SPATA31C2: variants seen among roughly 807,000 people sequenced by gnomAD.
SPATA31C2 encodes the protein SPATA31 subfamily C member 2, also known as spermatogenesis-associated protein 31C2.
A neutral mutation model predicts 11.4 loss-of-function variants in SPATA31C2; 5 were observed. The observed-to-expected ratio is 0.44, with a 90% CI of 0.23 to 0.92. The LOEUF is 0.92. Ranked by LOEUF, SPATA31C2 falls within the 40% of genes least tolerant of loss-of-function variation. SPATA31C2 has a pLI of 0.24. For missense variants in SPATA31C2, 1,353 were observed against 1,368.6 expected (o/e 0.99, Z 0.18); for synonymous variants, 515 against 538.7 (o/e 0.96, Z 0.61).
At chr9:88,133,541 C>T (rs1337220304) in intron 2 of SPATA31C2, 53 bp downstream of exon 2, 16 of 1,596,802 alleles carry the variant, frequency 1.0e-5, no homozygotes, top group African/African-American at 1.4e-5. Flanking sequence ...AGTCAGTTCC[C>T]TCCCGGACAG....
In SPATA31C2 at chr9:88,130,395, G is replaced by C. The variant is rs757780374; in HGVS notation, c.2642C>G (p.Pro881Arg). 1.2e-6 allele frequency: 2 copies of C among 1,611,678 alleles called. No individual in the cohort carries two copies. The highest frequency in any genetic ancestry group is 1.3e-5 in the African/African-American group (1 of 74,958). Reference sequence around the variant, plus strand: ...GGGCACAACAGATGCTTGCCCATCTGGAAGGAGCACAACAGTGGCAGAAAC... The same window carrying C: ...GGGCACAACAGATGCTTGCCCATCTCGAAGGAGCACAACAGTGGCAGAAAC... ...PQVSATVVLL[P>R]DGQASVVPHA... is the part of the protein sequence containing the mutation. The change falls in exon 4 of 4, where the codon CCA becomes CGA. Residue 881 changes from proline (P) to arginine (R), a missense_variant. Pro to Arg is a moderately radical substitution (Grantham distance 103). Transcript: ENST00000324915.
chr9:88,137,327 A>T (rs543381648), intron 1 of SPATA31C2, among the ~76,000 whole-genome samples: 820 of 79,112 alleles, frequency 0.01, 28 homozygotes, highest in Non-Finnish European at 0.016. Flanking sequence ...TGTCTTTATT[A>T]AAAAAAAAAA....
rs763467305 is a variant in SPATA31C2, at chr9:88,131,984, G to C, written c.1053C>G (p.Ala351=). 1,495 of 1,610,864 alleles carry C rather than the reference G, an allele frequency of 9.3e-4. 10 individuals are homozygous for C. In the African/African-American group the frequency reaches 0.018, roughly 19 times the overall value. ...PQFWPTPMAQ[A]EAQAHLQSSF... Reference sequence around the variant, plus strand: ...AGGATTGAAGATGGGCCTGAGCCTCGGCCTGAGCCATAGGTGTGGGCCAGA... The same window carrying C: ...AGGATTGAAGATGGGCCTGAGCCTCCGCCTGAGCCATAGGTGTGGGCCAGA... Residue 351 remains alanine, a synonymous_variant, in exon 4 of 4, where the codon GCC becomes GCG. Transcript: ENST00000324915.
chr9:88,137,933 C>T (rs551377315), intron 1 of SPATA31C2, among the ~76,000 whole-genome samples: 1 of 112,986 alleles, frequency 8.9e-6, no homozygotes, highest in East Asian at 3.0e-4. Context: ...CCTCCCATCT[C>T]ATGACCAGAG....
Position 88,130,274 on chromosome 9 carries a change from G to A in SPATA31C2, c.2763C>T (p.Leu921=), listed in dbSNP as rs1282717029. ...CCATGTTACTCCTTCTGGCTGACAT[G>A]AGGTCACATAGCTCCTGGGAAGCCT... ...NMQASQELCD[L]MSARRSNMGH... The change falls in exon 4 of 4, where the codon CTC becomes CTT. Residue 921 remains leucine, a synonymous_variant. Coordinates refer to ENST00000324915, the MANE Select transcript of SPATA31C2 (RefSeq NM_001350978.3). 11 of 1,609,412 alleles carry A rather than the reference G, an allele frequency of 6.8e-6. No individual in the cohort carries two copies. The African/African-American group carries it at 1.5e-4, about 22-fold the overall frequency.
In SPATA31C2 at chr9:88,136,468, G is replaced by T. The variant is rs868654294; in HGVS notation, c.189+1790C>A. Among the ~76,000 whole-genome samples the T allele has an allele frequency of 1.0e-4, 15 of 145,656 alleles. 1 individual carries two copies. Among genetic ancestry groups the T allele is most frequent in the Middle Eastern group, 3.5e-3 (1 of 282 alleles). On this transcript the variant is annotated intron_variant, in intron 1 of 3. Transcript: ENST00000324915. ...CTCCTTGTCAGATATGGTTTATCAG[G>T]TGTGGTTTGCACTTTTCTTCCAGTT...
At chr9:88,133,690 A>G in intron 1 of SPATA31C2, 21 bp from the exon 2 acceptor site, 4 of 1,563,962 alleles carry the variant, frequency 2.6e-6, no homozygotes, top group Non-Finnish European at 3.5e-6. Context: ...AGAAATGGCG[A>G]GGAGCTAGGA....
Position 88,132,075 on chromosome 9 carries a change from A to G in SPATA31C2, c.962T>C (p.Phe321Ser). The G allele has an allele frequency of 6.2e-7, 1 of 1,610,768 alleles. No individual in the cohort carries two copies. Among genetic ancestry groups the G allele is most frequent in the Non-Finnish European group, 8.5e-7 (1 of 1,177,648 alleles). ...QRDTTMSPLL[F>S]QAQPLSHLEP... ...CAGATGGGACAGGGGCTGGGCCTGG[A>G]AAAGCAGTGGGGACATTGTAGTGTC... Residue 321 changes from phenylalanine (F) to serine (S), a missense_variant, in exon 4 of 4, where the codon TTC becomes TCC. Phe to Ser is a radical substitution (Grantham distance 155). Around this residue, in one of 6 missense-constraint regions of SPATA31C2, gnomAD observed 1,075 missense variants for 992.8 expected, o/e 1.08. Transcript: ENST00000324915.
chr9:88,132,862 G>T, intron 3 of SPATA31C2, 104 bp downstream of exon 3: 1 of 1,310,056 alleles, frequency 7.6e-7, no homozygotes, highest in Non-Finnish European at 1.0e-6. Flanking sequence ...CCCATCCTCT[G>T]TCCCCCTGGT....
chr9:88,133,569 C>G lies in SPATA31C2; in HGVS notation c.265+25G>C, dbSNP rs547036470. 3,195 of 1,576,516 alleles carry G rather than the reference C, an allele frequency of 2.0e-3. 49 individuals are homozygous for G. In the African/African-American group the frequency reaches 0.04, roughly 20 times the overall value. ...CCGGACAGATGAGATCAAATTAACT[C>G]TAGTGTGCCCTGGCAGAGCCTTACC... On this transcript the variant is annotated intron_variant, in intron 2 of 3. Coordinates refer to ENST00000324915, the MANE Select transcript of SPATA31C2 (RefSeq NM_001350978.3).
intron 1 of SPATA31C2, among the ~76,000 whole-genome samples, chr9:88,137,509 G>C (rs986999466): frequency 2.8e-5 from 4 of 141,998 alleles, no homozygotes; most frequent in Non-Finnish European, 4.6e-5. Flanking sequence ...GTAATCCCCA[G>C]CTACTCAGGA....
At position 88,129,842 on chromosome 9, in the gene SPATA31C2, C is replaced by A; in HGVS notation, c.3195G>T (p.Glu1065Asp). ...GGCGCGCATGGCAAAGTGACATGTT[C>A]TCCTCCAGTATCTGTCCAACTGCTG... Reference protein sequence around the residue: ...LMTAVGQILEENMSLCHARHA... With the variant: ...LMTAVGQILEDNMSLCHARHA... Residue 1065 changes from glutamate to aspartate, a missense_variant, in exon 4 of 4, where the codon GAG becomes GAT. Glu to Asp is a conservative substitution (Grantham distance 45). Transcript: ENST00000324915. The A allele has an allele frequency of 6.2e-7, 1 of 1,604,842 alleles. No individual in the cohort carries two copies.
intron 1 of SPATA31C2, among the ~76,000 whole-genome samples, chr9:88,135,340 G>A (rs1825666061): frequency 9.4e-6 from 1 of 106,496 alleles, no homozygotes; most frequent in Non-Finnish European, 1.7e-5. Context: ...TATGTACCAG[G>A]GATTTTTATT....
At position 88,133,634 on chromosome 9, in the gene SPATA31C2, C is replaced by A. The variant is rs779990474; in HGVS notation, c.225G>T (p.Arg75Ser). The change falls in exon 2 of 4, where the codon AGG (arginine) becomes AGT (serine). Residue 75 changes from arginine to serine, a missense_variant. Transcript: ENST00000324915. Reference protein sequence around the residue: ...HLVSQRPAGRRGRPRGRMKNH... With the variant: ...HLVSQRPAGRSGRPRGRMKNH... ...TTTTCATCCTGCCTCTGGGCCTCCC[C>A]CTCCGCCCTGCTGGACGCTGGGAGA... is the stretch of plus-strand genomic sequence containing the variant. 2 of 1,604,754 alleles carry A rather than the reference C, an allele frequency of 1.2e-6. No homozygotes were observed. Among genetic ancestry groups the A allele is most frequent in the African/African-American group, 1.3e-5 (1 of 74,734 alleles).
chr9:88,137,478 C>G (rs1345774245), intron 1 of SPATA31C2, among the ~76,000 whole-genome samples: 1 of 144,878 alleles, frequency 6.9e-6, no homozygotes, highest in Non-Finnish European at 1.5e-5. Flanking sequence ...AAAAATTAGC[C>G]AGGCGTGGTG....
At chr9:88,137,458 C>T (rs1332728085) in intron 1 of SPATA31C2, among the ~76,000 whole-genome samples, 1 of 146,210 alleles carries the variant, frequency 6.8e-6, no homozygotes, top group Admixed American at 7.4e-5. Flanking sequence ...CCCATCTCTA[C>T]TAAAAATACA....
In SPATA31C2 at chr9:88,130,880, C is replaced by A. The variant is rs569293383; in HGVS notation, c.2157G>T (p.Val719=). 8.7e-5 allele frequency: 141 copies of A among 1,613,766 alleles called. No individual in the cohort carries two copies. In the African/African-American group the frequency reaches 1.6e-3, roughly 18 times the overall value. The change falls in exon 4 of 4, where the codon GTG becomes GTT. Residue 719 remains valine, a synonymous_variant. Coordinates refer to ENST00000324915, the MANE Select transcript of SPATA31C2 (RefSeq NM_001350978.3). ...GCATGTGAACAGATGGTTTGGTCAGCACCTGCTTTCTCAGACTTGCCATTG... is the reference window on the plus strand; with the variant it reads ...GCATGTGAACAGATGGTTTGGTCAGAACCTGCTTTCTCAGACTTGCCATTG... ...EPPMASLRKQ[V]LTKPSVHMPE... is the part of the protein sequence containing the mutation.
intron 2 of SPATA31C2, 86 bp downstream of exon 2, chr9:88,133,508 G>C: frequency 6.4e-7 from 1 of 1,554,336 alleles, no homozygotes; most frequent in Middle Eastern, 2.2e-4. Flanking sequence ...CCCACCTCAG[G>C]TTTTTTCAAC....
rs776579526 is a variant in SPATA31C2 at position 88,131,412 on chromosome 9, G to A, written c.1625C>T (p.Ala542Val). The A allele has an allele frequency of 3.4e-5, 55 of 1,611,866 alleles. 1 individual carries two copies. The Middle Eastern group carries it at 9.0e-4, about 26-fold the overall frequency. Residue 542 changes from alanine to valine, a missense_variant, in exon 4 of 4, where the codon GCG (alanine) becomes GTG (valine). Ala to Val is a moderately conservative substitution (Grantham distance 64, BLOSUM62 0). This residue lies in a region of SPATA31C2 where 1,075 missense variants were observed against 992.8 expected (regional missense o/e 1.08). Coordinates refer to ENST00000324915, the MANE Select transcript of SPATA31C2 (RefSeq NM_001350978.3). The stretch of plus-strand genomic sequence containing the variant: ...GTTCCTTTCCGACTCCTCAGAGGTC[G>A]CCCCCAGAACCTTCCCTGGGAAGCT... ...MESFPGKVLG[A>V]TSEESERNLR...
Sources: allele counts gnomAD v4.1 joint callset (sites outside exome capture counted in the v4.1 genomes callset), GRCh38; gene constraint gnomAD v4.1.1; regional missense constraint gnomAD v4.1.1; transcripts MANE v1.5; gene names NCBI Gene and HGNC (gene_info 2026-07-23, HGNC 2026-07-21).